The following SESN1 variants were observed in gnomAD, a reference collection of about 807,000 sequenced individuals.
The protein encoded by SESN1 is sestrin 1.
SESN1 carries 30 observed loss-of-function variants against 59.3 expected under a neutral mutation model. That is an observed-to-expected ratio of 0.51 (90% CI 0.38 to 0.69). The LOEUF is 0.69. Among genes scored for constraint, SESN1 ranks in the 30% least tolerant of loss-of-function variants. SESN1 has a pLI of 0.00. For missense variants in SESN1, 566 were observed against 673.0 expected (o/e 0.84, Z 1.76); for synonymous variants, 197 against 219.9 (o/e 0.90, Z 0.92).
At chr6:109,030,062 C>G (rs1000357527) in intron 1 of SESN1, among the ~76,000 whole-genome samples, 2 of 152,088 alleles carry the variant, frequency 1.3e-5, no homozygotes, top group Admixed American at 6.5e-5. Context: ...AATAAAATAG[C>G]CTTTTAACTT....
At chr6:109,068,591 G>A (rs1305932008) in intron 1 of SESN1, among the ~76,000 whole-genome samples, 1 of 152,084 alleles carries the variant, frequency 6.6e-6, no homozygotes, top group Non-Finnish European at 1.5e-5. Context: ...ACAGACATAA[G>A]AGATATAATA....
chr6:108,988,654 C>T lies in SESN1; in HGVS notation c.1458G>A (p.Gln486=), dbSNP rs373048883. The change falls in exon 9 of 10, where the codon CAG becomes CAA. Residue 486 remains glutamine (Q), a synonymous_variant. Transcript: ENST00000436639. ...AAACTTTAAAGCTACGATCCAATAG[C>T]TGGTTAATTTCACCATAGTCATAAT... The part of the protein sequence containing the change: ...YDDYDYGEIN[Q]LLDRSFKVYI... 4.3e-6 allele frequency: 7 copies of T among 1,610,484 alleles called. No individual in the cohort carries two copies. Among genetic ancestry groups the T allele is most frequent in the Non-Finnish European group, 5.9e-6 (7 of 1,178,334 alleles).
rs376950903 is a variant in SESN1, at chr6:109,001,464, C to G, written c.370G>C (p.Ala124Pro). 6.2e-7 allele frequency: 1 copy of G among 1,613,410 alleles called. No homozygotes were observed. Among genetic ancestry groups the G allele is most frequent in the South Asian group, 1.1e-5 (1 of 91,010 alleles). Residue 124 changes from alanine to proline, a missense_variant, in exon 3 of 10, where the codon GCA (alanine) becomes CCA (proline). Coordinates refer to ENST00000436639, the MANE Select transcript of SESN1 (RefSeq NM_014454.3). ...TCTGCAAATAAAGCATGCATCTGTG[C>G]GTCTTCACTCCCCACTTGGAGGATC... ...KEILQVGSED[A>P]QMHALFADSF...
rs574390368 is a variant in SESN1, at chr6:109,065,275, CT to C, written c.279+28519del. ...GGTTTATAAAAAAAATTATTTTCCC[CT>C]AATACTATTATTATGATGCTTCTCA... On this transcript the variant is annotated intron_variant, in intron 1 of 9. Coordinates refer to ENST00000436639, the MANE Select transcript of SESN1 (RefSeq NM_014454.3). 4.7e-4 allele frequency among the ~76,000 whole-genome samples: 72 copies of C among 152,200 alleles called. 1 individual carries two copies. The East Asian group carries it at 0.014, about 29-fold the overall frequency.
intron 1 of SESN1, among the ~76,000 whole-genome samples, chr6:109,093,210 T>C (rs1350516363): frequency 2.0e-5 from 3 of 152,200 alleles, no homozygotes; most frequent in Non-Finnish European, 4.4e-5. Flanking sequence ...AGAAAGCTAG[T>C]TGAGCAATTT....
At chr6:109,005,429 A>C (rs1373751487) in intron 1 of SESN1, among the ~76,000 whole-genome samples, 1 of 152,232 alleles carries the variant, frequency 6.6e-6, no homozygotes, top group Non-Finnish European at 1.5e-5. Context: ...CATGAAAGGT[A>C]GTTACCTTTT....
rs1781418629 is a variant in SESN1, at chr6:109,094,177, T to C, written c.-104A>G. 1 of 1,286,212 alleles carries C rather than the reference T, an allele frequency of 7.8e-7. No homozygotes were observed. Among genetic ancestry groups the C allele is most frequent in the Non-Finnish European group, 1.1e-6 (1 of 936,942 alleles). 79.7% of individuals were successfully genotyped at this position (1,286,212 alleles called of 1,614,324 possible). A position where few individuals can be genotyped will look rare whatever the true frequency, so the allele number is the denominator to read the frequency against. ...AAATGTAAAAATAAAATCAGAGAAA[T>C]CAAATCGTCATGAAAACACACATCT... is the stretch of plus-strand genomic sequence containing the variant. On this transcript the variant is annotated 5_prime_UTR_variant, in exon 1 of 10. An upstream open reading frame in the 5' UTR loses its in-frame stop. Transcript: ENST00000436639.
chr6:109,048,927 A>G (rs1780496484), intron 1 of SESN1, among the ~76,000 whole-genome samples: 2 of 152,186 alleles, frequency 1.3e-5, no homozygotes, highest in African/African-American at 4.8e-5. Context: ...CTTAAAACAT[A>G]ACAATGGTTT....
chr6:109,083,463 A>G (rs555400972), intron 1 of SESN1, among the ~76,000 whole-genome samples: 54 of 152,322 alleles, frequency 3.5e-4, no homozygotes, highest in African/African-American at 1.3e-3. Flanking sequence ...ACACACATAC[A>G]CAAATCTAAT....
At chr6:109,063,762 C>G (rs1396512710) in intron 1 of SESN1, among the ~76,000 whole-genome samples, 2 of 151,998 alleles carry the variant, frequency 1.3e-5, no homozygotes, top group Admixed American at 6.6e-5. Flanking sequence ...AAATTCGTCA[C>G]CAGGGGAGTT....
chr6:109,063,851 A>G (rs1441003584), intron 1 of SESN1, among the ~76,000 whole-genome samples: 2 of 151,990 alleles, frequency 1.3e-5, no homozygotes, highest in Admixed American at 6.6e-5. Context: ...ACCTTCTACA[A>G]GTTGTCTGGT....
chr6:108,991,524 G>A (rs1331569892), intron 7 of SESN1, among the ~76,000 whole-genome samples: 2 of 152,132 alleles, frequency 1.3e-5, no homozygotes, highest in East Asian at 3.9e-4. Flanking sequence ...TTACACGTGG[G>A]AGCCACCAGA....
chr6:109,048,324 C>A (rs981460972), intron 1 of SESN1, among the ~76,000 whole-genome samples: 1 of 152,180 alleles, frequency 6.6e-6, no homozygotes, highest in African/African-American at 2.4e-5. Flanking sequence ...CTGAGACATT[C>A]ATTCCTCCAC....
intron 1 of SESN1, among the ~76,000 whole-genome samples, chr6:109,074,693 T>C (rs1781001488): frequency 1.3e-5 from 2 of 152,232 alleles, no homozygotes; most frequent in Non-Finnish European, 2.9e-5. Context: ...TTAATCTCAC[T>C]CCTTATTCAT....
chr6:109,002,047 G>C (rs575421466), intron 2 of SESN1, among the ~76,000 whole-genome samples: 11 of 152,092 alleles, frequency 7.2e-5, no homozygotes, highest in Non-Finnish European at 1.6e-4. Flanking sequence ...ACAAATCTTG[G>C]CTTTACTTGA....
At chr6:109,082,361 GGGTTCCAGTA>G (rs1781135652) in intron 1 of SESN1, among the ~76,000 whole-genome samples, 1 of 152,146 alleles carries the variant, frequency 6.6e-6, no homozygotes, top group Non-Finnish European at 1.5e-5. Flanking sequence ...AGTGCTTACT[GGGTTCCAGTA>G]AGCATTGCTC....
At chr6:109,066,898 G>A (rs1227007473) in intron 1 of SESN1, among the ~76,000 whole-genome samples, 2 of 144,362 alleles carry the variant, frequency 1.4e-5, no homozygotes, top group African/African-American at 5.4e-5. Flanking sequence ...AGTAACAGAT[G>A]CCAGAATACA....
chr6:109,044,387 T>C (rs561049246), intron 1 of SESN1, among the ~76,000 whole-genome samples: 29 of 116,888 alleles, frequency 2.5e-4, no homozygotes, highest in African/African-American at 8.3e-4. Flanking sequence ...GAAGAAAGGA[T>C]AGTCTTTCCA....
Position 109,093,835 on chromosome 6 carries a change from T to C in SESN1, c.239A>G (p.Asp80Gly). 6.2e-7 allele frequency: 1 copy of C among 1,614,200 alleles called. No homozygotes were observed. The highest frequency in any genetic ancestry group is 8.5e-7 in the Non-Finnish European group (1 of 1,180,036). ...AATAAACTCACTTTTCTCTCTCACA[T>C]CTTTGAAGGGACACCTCTTAGAAAG... ...LMLSKRCPFK[D>G]VREKSEFILK... Residue 80 changes from aspartate (D) to glycine (G), a missense_variant, in exon 1 of 10, where the codon GAT becomes GGT. By Grantham distance (94) the Asp-to-Gly change is moderately conservative. Transcript: ENST00000436639.
Sources: allele counts gnomAD v4.1 joint callset (sites outside exome capture counted in the v4.1 genomes callset), GRCh38; gene constraint gnomAD v4.1.1; transcripts MANE v1.5; gene names NCBI Gene and HGNC (gene_info 2026-07-23, HGNC 2026-07-21).